FRAS1: variants seen among roughly 807,000 people sequenced by gnomAD.
FRAS1 encodes the protein extracellular matrix organizing protein FRAS1.
A neutral mutation model predicts 435.2 loss-of-function variants in FRAS1; 290 were observed. The observed-to-expected ratio is 0.67, with a 90% CI of 0.61 to 0.73. The LOEUF (loss-of-function observed/expected upper bound fraction) is 0.73. Among genes scored for constraint, FRAS1 ranks in the 30% least tolerant of loss-of-function variants. FRAS1 has a pLI of 0.00. For missense variants in FRAS1, 4,860 were observed against 5,001.5 expected, an observed-to-expected ratio of 0.97 and a Z score of 0.85; for synonymous variants, 1,800 against 1,851.0, an observed-to-expected ratio of 0.97 and a Z score of 0.71.
intron 6 of FRAS1, among the ~76,000 whole-genome samples, chr4:78,256,013 A>C (rs936746647): frequency 2.0e-4 from 30 of 152,330 alleles, no homozygotes; most frequent in Admixed American, 9.2e-4. Flanking sequence ...ATTCCATGGC[A>C]GTTGATAGGT....
chr4:78,270,555 G>GCCACCA (rs1425697992), intron 9 of FRAS1, among the ~76,000 whole-genome samples: 2 of 55,628 alleles, frequency 3.6e-5, no homozygotes, highest in Non-Finnish European at 7.2e-5. Context: ...CCGCCCCCCC[G>GCCACCA]CCACCACCAC....
At chr4:78,226,902 G>T (rs1560590720) in intron 2 of FRAS1, among the ~76,000 whole-genome samples, 1 of 151,982 alleles carries the variant, frequency 6.6e-6, no homozygotes, top group Non-Finnish European at 1.5e-5. Flanking sequence ...CTTCAGTTTA[G>T]ATATTTTGTA....
At chr4:78,275,738 G>A (rs933298554) in intron 9 of FRAS1, among the ~76,000 whole-genome samples, 5 of 152,248 alleles carry the variant, frequency 3.3e-5, no homozygotes, top group South Asian at 4.1e-4. Context: ...CTCTCTGACC[G>A]CCCTTAACAT....
intron 30 of FRAS1, among the ~76,000 whole-genome samples, chr4:78,404,735 G>T (rs1163580195): frequency 1.3e-5 from 2 of 152,160 alleles, no homozygotes; most frequent in Non-Finnish European, 2.9e-5. Flanking sequence ...CACCTCTGTT[G>T]TCTTAGTTCA....
intron 47 of FRAS1, among the ~76,000 whole-genome samples, chr4:78,457,483 T>C (rs1180266749): frequency 6.6e-6 from 1 of 152,182 alleles, no homozygotes; most frequent in African/African-American, 2.4e-5. Context: ...TTCCCCACCC[T>C]TCTGGGAATG....
At chr4:78,210,984 G>A (rs569335329) in intron 2 of FRAS1, among the ~76,000 whole-genome samples, 24 of 152,306 alleles carry the variant, frequency 1.6e-4, no homozygotes, top group Admixed American at 1.4e-3. Context: ...TTCTCCTCCT[G>A]GTGCGCGTAT....
chr4:78,320,114 C>T (rs1214881618), intron 18 of FRAS1, among the ~76,000 whole-genome samples: 1 of 152,198 alleles, frequency 6.6e-6, no homozygotes, highest in Admixed American at 6.5e-5. Flanking sequence ...TCCCCTGCTC[C>T]CTGGGAGGCT....
In FRAS1 at chr4:78,092,219, A is replaced by T. The variant is rs1328266929; in HGVS notation, c.108+26203A>T. 2.6e-5 allele frequency among the ~76,000 whole-genome samples: 4 copies of T among 152,078 alleles called. No homozygotes were observed. The East Asian group carries it at 7.7e-4, about 29-fold the overall frequency. Reference sequence around the variant, plus strand: ...CTTAGGAAGTGATTTTCTGTGTGTTATTTAAGCTACGCACAACTCAGGTCT... The same window carrying T: ...CTTAGGAAGTGATTTTCTGTGTGTTTTTTAAGCTACGCACAACTCAGGTCT... On this transcript the variant is annotated intron_variant, in intron 2 of 73. Coordinates refer to ENST00000512123, the MANE Select transcript of FRAS1 (RefSeq NM_025074.7).
intron 38 of FRAS1, among the ~76,000 whole-genome samples, chr4:78,432,980 A>G (rs996407024): frequency 6.6e-6 from 1 of 152,218 alleles, no homozygotes; most frequent in Non-Finnish European, 1.5e-5. Flanking sequence ...CTAGTAGGTA[A>G]TGATGTTTCA....
rs1721320942 is a variant in FRAS1 at position 78,519,481 on chromosome 4, G to T, written c.10540G>T (p.Gly3514Ter). The T allele has an allele frequency of 6.2e-7, 1 of 1,608,184 alleles. No homozygotes were observed. Among genetic ancestry groups the T allele is most frequent in the African/African-American group, 1.3e-5 (1 of 74,464 alleles). ...CTATGACACTGTTCTCTGGAGAACA[G>T]GTATGCCCACTGACGCCTTAACTAT... is the stretch of plus-strand genomic sequence containing the variant. ...FFYDTVLWRTGIQTDSVLSAR... is the reference protein window; with the variant it reads ...FFYDTVLWRT The change falls in exon 67 of 74, where the codon GGA becomes TGA. Residue 3514 changes from glycine to a stop codon, truncating the protein, a stop_gained and splice_region_variant. Coordinates refer to ENST00000512123, the MANE Select transcript of FRAS1 (RefSeq NM_025074.7). LOFTEE classifies it high-confidence loss of function.
chr4:78,222,007 G>A (rs570354053), intron 2 of FRAS1, among the ~76,000 whole-genome samples: 40 of 152,272 alleles, frequency 2.6e-4, no homozygotes, highest in African/African-American at 9.6e-4. Context: ...TGTTAACAGT[G>A]GGTGTCATTA....
intron 2 of FRAS1, among the ~76,000 whole-genome samples, chr4:78,085,812 A>G (rs1215956678): frequency 6.6e-6 from 1 of 152,190 alleles, no homozygotes; most frequent in African/African-American, 2.4e-5. Flanking sequence ...TTAGACTCCC[A>G]CACAATAATA....
At chr4:78,331,508 G>A (rs970220422) in intron 18 of FRAS1, among the ~76,000 whole-genome samples, 3 of 152,272 alleles carry the variant, frequency 2.0e-5, no homozygotes, top group Admixed American at 6.5e-5. Flanking sequence ...CAGTACTGAC[G>A]AACCAGGACA....
intron 2 of FRAS1, among the ~76,000 whole-genome samples, chr4:78,120,226 C>T (rs900228536): frequency 3.9e-5 from 6 of 152,070 alleles, no homozygotes; most frequent in African/African-American, 1.4e-4. Flanking sequence ...CTATAAATAA[C>T]AAAACAACAA....
intron 30 of FRAS1, among the ~76,000 whole-genome samples, chr4:78,401,423 G>A (rs997348296): frequency 2.0e-5 from 3 of 152,154 alleles, no homozygotes; most frequent in Non-Finnish European, 2.9e-5. Context: ...TAAGGTGTTC[G>A]TAGCTGACTT....
At chr4:78,399,848 T>A (rs1454901736) in intron 29 of FRAS1, among the ~76,000 whole-genome samples, 1 of 152,232 alleles carries the variant, frequency 6.6e-6, no homozygotes, top group Non-Finnish European at 1.5e-5. Flanking sequence ...GTCATTTCCA[T>A]CTCCTGCCAT....
chr4:78,254,647 C>T (rs974965590), intron 5 of FRAS1, among the ~76,000 whole-genome samples: 9 of 152,062 alleles, frequency 5.9e-5, no homozygotes, highest in Non-Finnish European at 1.0e-4. Flanking sequence ...AGACTTTGGA[C>T]GTATATTTCC....
chr4:78,307,983 T>A, intron 14 of FRAS1, 83 bp from the exon 15 acceptor site: 1 of 1,365,852 alleles, frequency 7.3e-7, no homozygotes, highest in East Asian at 2.5e-5. Context: ...ATCCTCCTTG[T>A]GTATTCTAAA....
chr4:78,087,958 T>A (rs552848785), intron 2 of FRAS1, among the ~76,000 whole-genome samples: 2 of 152,056 alleles, frequency 1.3e-5, no homozygotes, highest in Non-Finnish European at 2.9e-5. Flanking sequence ...AAAAGAGCCC[T>A]CATTGCCAAG....
Sources: allele counts gnomAD v4.1 joint callset (sites outside exome capture counted in the v4.1 genomes callset), GRCh38; gene constraint gnomAD v4.1.1; transcripts MANE v1.5; gene names NCBI Gene and HGNC (gene_info 2026-07-23, HGNC 2026-07-21).